CD5: variants seen among roughly 807,000 people sequenced by gnomAD.
The protein encoded by CD5 is T-cell surface glycoprotein CD5.
CD5 carries 36 observed loss-of-function variants against 60.3 expected under a neutral mutation model. That is an observed-to-expected ratio of 0.60 (90% confidence interval 0.46 to 0.79). The LOEUF is 0.79. Among genes scored for constraint, CD5 ranks in the 30% least tolerant of loss-of-function variants. The pLI is 0.00. For missense variants in CD5, 540 were observed against 630.6 expected, an observed-to-expected ratio of 0.86 and a Z score of 1.54; for synonymous variants, 230 against 257.6, an observed-to-expected ratio of 0.89 and a Z score of 1.03.
chr11:61,123,103 G>C, intron 7 of CD5, 71 bp downstream of exon 7: 1 of 1,474,610 alleles, frequency 6.8e-7, no homozygotes. Flanking sequence ...AGAGTCCTCC[G>C]GAGGAGGGGT....
At chr11:61,102,336 G>T, upstream of CD5, 2 of 581,680 alleles carry the variant, frequency 3.4e-6, no homozygotes, top group Admixed American at 6.0e-5. Flanking sequence ...AGCTGGCAGA[G>T]GCCAGGGCTG....
chr11:61,101,288 T>A (rs558413851), upstream of CD5, among the ~76,000 whole-genome samples: 3 of 89,420 alleles, frequency 3.4e-5, no homozygotes, highest in South Asian at 1.7e-3. Context: ...AACATGGAGA[T>A]CACACACACA....
In CD5 at chr11:61,121,664, G is replaced by A; in HGVS notation, c.859G>A (p.Gly287Ser). ...GGTGGGGGGCAGCAGCATCTGTGAA[G>A]GCACCGTGGAGGTGCGCCAGGGGGC... ...RLVGGSSICE[G>S]TVEVRQGAQW... Residue 287 changes from glycine (G) to serine (S), a missense_variant, in exon 6 of 11, where the codon GGC becomes AGC. Transcript: ENST00000347785. 1 of 1,568,446 alleles carries A rather than the reference G, an allele frequency of 6.4e-7. No individual in the cohort carries two copies. Among genetic ancestry groups the A allele is most frequent in the Non-Finnish European group, 8.7e-7 (1 of 1,152,096 alleles).
upstream of CD5, among the ~76,000 whole-genome samples, chr11:61,099,058 C>T (rs1265300601): frequency 2.6e-5 from 4 of 152,208 alleles, no homozygotes; most frequent in Non-Finnish European, 4.4e-5. Context: ...CCCAGCCCAG[C>T]CCAGGGAAAC....
At chr11:61,123,834 C>T in intron 7 of CD5, 50 bp from the exon 8 acceptor site, 2 of 1,202,284 alleles carry the variant, frequency 1.7e-6, no homozygotes, top group East Asian at 4.8e-5. Flanking sequence ...CCTGCCCCCA[C>T]CCATACCTGC....
Position 61,121,779 on chromosome 11 carries a change from A to G in CD5, c.974A>G (p.Asn325Ser). The G allele has an allele frequency of 6.2e-7, 1 of 1,611,414 alleles. No homozygotes were observed. Among genetic ancestry groups the G allele is most frequent in the South Asian group, 1.1e-5 (1 of 90,880 alleles). The change falls in exon 6 of 11, where the codon AAC becomes AGC. Residue 325 changes from asparagine (N) to serine (S), a missense_variant. Transcript: ENST00000347785. ...CGGGAGCAGCAGTGTGGCAGCGTCA[A>G]CTCCTATCGAGTGCTGGACGCTGGT... is the stretch of plus-strand genomic sequence containing the variant. Reference protein sequence around the residue: ...VCREQQCGSVNSYRVLDAGDP... With the variant: ...VCREQQCGSVSSYRVLDAGDP...
At chr11:61,125,904 G>A (rs1195148643) in intron 10 of CD5, 63 bp downstream of exon 10, 4 of 1,144,836 alleles carry the variant, frequency 3.5e-6, no homozygotes, top group South Asian at 1.6e-5. Context: ...GGGGTGAGCA[G>A]CAGCCACTCA....
chr11:61,109,066 A>G (rs1860813761), intron 1 of CD5, among the ~76,000 whole-genome samples: 1 of 152,208 alleles, frequency 6.6e-6, no homozygotes, highest in Non-Finnish European at 1.5e-5. Flanking sequence ...TTACAAAGCC[A>G]GCCGCCCTGG....
chr11:61,097,008 G>A, the CD5 span, among the ~76,000 whole-genome samples: 1 of 152,150 alleles, frequency 6.6e-6, no homozygotes, highest in African/African-American at 2.4e-5. Flanking sequence ...CCCTAAACCA[G>A]GGACCAAGGA....
At chr11:61,099,366 C>T (rs1860624560), upstream of CD5, among the ~76,000 whole-genome samples, 1 of 151,766 alleles carries the variant, frequency 6.6e-6, no homozygotes, top group African/African-American at 2.4e-5. Flanking sequence ...AGATCACACA[C>T]ACACATCAAC....
intron 1 of CD5, among the ~76,000 whole-genome samples, chr11:61,112,817 A>G (rs1005636844): frequency 6.6e-6 from 1 of 152,206 alleles, no homozygotes; most frequent in Non-Finnish European, 1.5e-5. Context: ...AACTTATCAC[A>G]TGGCCATGAT....
chr11:61,110,311 G>A (rs930488929), intron 1 of CD5, among the ~76,000 whole-genome samples: 4 of 152,040 alleles, frequency 2.6e-5, no homozygotes, highest in Non-Finnish European at 5.9e-5. Context: ...ACATCTCACC[G>A]CCCTCCCTCC....
the CD5 span, among the ~76,000 whole-genome samples, chr11:61,095,152 C>G: frequency 6.6e-6 from 1 of 152,116 alleles, no homozygotes; most frequent in Admixed American, 6.5e-5. Context: ...CCCTCCTTAT[C>G]AAGAGGAAGG....
intron 1 of CD5, among the ~76,000 whole-genome samples, chr11:61,110,051 C>T (rs1795455875): frequency 6.6e-6 from 1 of 151,974 alleles, no homozygotes. Flanking sequence ...CTGTAGAGCC[C>T]CCAGAGGGGG....
intron 1 of CD5, among the ~76,000 whole-genome samples, chr11:61,105,352 C>T (rs1332068242): frequency 6.6e-6 from 1 of 152,210 alleles, no homozygotes; most frequent in Non-Finnish European, 1.5e-5. Context: ...GTTTGAATTC[C>T]AGTCTGCCAC....
chr11:61,113,199 G>A (rs978372617), intron 1 of CD5, among the ~76,000 whole-genome samples: 3 of 152,194 alleles, frequency 2.0e-5, no homozygotes, highest in Non-Finnish European at 2.9e-5. Context: ...AACCCAAGTC[G>A]GACAGATGGA....
At position 61,118,551 on chromosome 11, in the gene CD5, G is replaced by A. The variant is rs759062525; in HGVS notation, c.400+71G>A. 253 of 1,476,842 alleles carry A rather than the reference G, an allele frequency of 1.7e-4. No individual in the cohort carries two copies. The highest frequency in any genetic ancestry group is 3.6e-4 in the Middle Eastern group (2 of 5,540). 91.5% of individuals were successfully genotyped at this position (1,476,842 alleles called of 1,614,324 possible). A position where few individuals can be genotyped will look rare whatever the true frequency, so the allele number is the denominator to read the frequency against. ...GCCCCGAGGAGACTGCCCGAGGCCT[G>A]TGATCTAGGGTCTGAGCAGGCTGGT... is the stretch of plus-strand genomic sequence containing the variant. On this transcript the variant is annotated intron_variant, in intron 3 of 10. Transcript: ENST00000347785. The surrounding 1 kb of genome is among the most constrained non-coding windows in gnomAD (Gnocchi z 4.7).
At chr11:61,112,671 G>A (rs547819875) in intron 1 of CD5, among the ~76,000 whole-genome samples, 1 of 151,838 alleles carries the variant, frequency 6.6e-6, no homozygotes, top group Non-Finnish European at 1.5e-5. Context: ...TTGATCAGAC[G>A]ATTGACAACT....
Position 61,121,770 on chromosome 11 carries a change from G to C in CD5, c.965G>C (p.Gly322Ala). Residue 322 changes from glycine (G) to alanine (A), a missense_variant, in exon 6 of 11, where the codon GGC becomes GCC. Physicochemically the swap from Gly to Ala is moderately conservative, Grantham distance 60 (BLOSUM62 0). Transcript: ENST00000347785. ...WEEVCREQQC[G>A]SVNSYRVLDA... ...GAGGTGTGCCGGGAGCAGCAGTGTG[G>C]CAGCGTCAACTCCTATCGAGTGCTG... 6.2e-7 allele frequency: 1 copy of C among 1,612,320 alleles called. No homozygotes were observed. Among genetic ancestry groups the C allele is most frequent in the Non-Finnish European group, 8.5e-7 (1 of 1,178,724 alleles).
Sources: allele counts gnomAD v4.1 joint callset (sites outside exome capture counted in the v4.1 genomes callset), GRCh38; gene constraint gnomAD v4.1.1; non-coding constraint Gnocchi (gnomAD v3.1); transcripts MANE v1.5; gene names NCBI Gene and HGNC (gene_info 2026-07-23, HGNC 2026-07-21).